The following TNIK variants were observed in gnomAD, a reference collection of about 807,000 sequenced individuals.
The protein encoded by TNIK is TRAF2 and NCK-interacting protein kinase.
A neutral mutation model predicts 191.3 loss-of-function variants in TNIK; 49 were observed. The ratio of observed to expected loss-of-function variants is 0.26; its 90% CI spans 0.20 to 0.32. The LOEUF is 0.32. Among genes scored for constraint, TNIK ranks in the 10% least tolerant of loss-of-function variants. TNIK has a pLI of 1.00. For synonymous variants in TNIK, 594 were observed against 600.9 expected (o/e 0.99, Z 0.17); for missense variants, 1,155 against 1,702.3 (o/e 0.68, Z 5.66).
intron 2 of TNIK, among the ~76,000 whole-genome samples, chr3:171,297,316 T>C (rs915995096): frequency 6.6e-6 from 1 of 152,212 alleles, no homozygotes; most frequent in Non-Finnish European, 1.5e-5. Flanking sequence ...TAAGGCGATA[T>C]GTTGGGCTCA....
Position 171,239,272 on chromosome 3 carries a change from A to T in TNIK, c.124-11051T>A, listed in dbSNP as rs577287406. Among the ~76,000 whole-genome samples, 16 of 152,358 alleles carry T rather than the reference A, an allele frequency of 1.1e-4. 1 individual carries two copies. The East Asian group carries it at 3.1e-3, about 29-fold the overall frequency. ...ATGTGAAGTTTTAAGCTAAAAATGT[A>T]ACAGTCAATGACAAGAGAATAAAGG... On this transcript the variant is annotated intron_variant, in intron 2 of 32. Transcript: ENST00000436636.
intron 1 of TNIK, among the ~76,000 whole-genome samples, chr3:171,440,726 G>T (rs1330317572): frequency 6.6e-6 from 1 of 152,214 alleles, no homozygotes; most frequent in Non-Finnish European, 1.5e-5. Context: ...AAGAGGGTGT[G>T]GAGGGAGACA....
At chr3:171,097,204 C>A (rs1722842825) in intron 22 of TNIK, among the ~76,000 whole-genome samples, 1 of 152,226 alleles carries the variant, frequency 6.6e-6, no homozygotes, top group South Asian at 2.1e-4. Flanking sequence ...CACCATATTA[C>A]AAATGTATGA....
intron 10 of TNIK, among the ~76,000 whole-genome samples, chr3:171,162,379 G>A (rs190198596): frequency 1.4e-4 from 22 of 152,262 alleles, no homozygotes; most frequent in Non-Finnish European, 2.6e-4. Context: ...AGCCAAGATC[G>A]CACCACTGCA....
intron 2 of TNIK, among the ~76,000 whole-genome samples, chr3:171,252,877 T>C (rs1383178627): frequency 6.6e-6 from 1 of 152,004 alleles, no homozygotes; most frequent in Admixed American, 6.6e-5. Flanking sequence ...ACAGGAAAAA[T>C]GGGCACTTCA....
chr3:171,340,890 C>G (rs1313921267), intron 2 of TNIK, among the ~76,000 whole-genome samples: 1 of 150,760 alleles, frequency 6.6e-6, no homozygotes, highest in African/African-American at 2.4e-5. Context: ...CCTGAGGACT[C>G]TTGGTATTTG....
chr3:171,175,376 C>G, intron 8 of TNIK, 46 bp from the exon 9 acceptor site: 1 of 1,544,080 alleles, frequency 6.5e-7, no homozygotes, highest in South Asian at 1.2e-5. Context: ...GGAGGCCAAA[C>G]CCAGGCCAAG....
At chr3:171,122,855 A>G (rs185775122) in intron 18 of TNIK, among the ~76,000 whole-genome samples, 17 of 152,340 alleles carry the variant, frequency 1.1e-4, no homozygotes, top group Non-Finnish European at 2.2e-4. Flanking sequence ...TTGATGAACT[A>G]TAACAGCAAA....
At chr3:171,186,345 C>A (rs1046414925) in intron 7 of TNIK, among the ~76,000 whole-genome samples, 4 of 152,164 alleles carry the variant, frequency 2.6e-5, no homozygotes, top group African/African-American at 9.7e-5. Flanking sequence ...AATCCCCAAA[C>A]CTTCCACTAT....
intron 16 of TNIK, 29 bp from the exon 17 acceptor site, chr3:171,126,180 A>G (rs1295003097): frequency 4.4e-5 from 67 of 1,510,202 alleles, no homozygotes; most frequent in Non-Finnish European, 5.5e-5. Flanking sequence ...TGAAAACAGC[A>G]CTATTAGAAG....
chr3:171,250,765 C>T (rs911133129), intron 2 of TNIK, among the ~76,000 whole-genome samples: 5 of 152,192 alleles, frequency 3.3e-5, no homozygotes, highest in African/African-American at 9.6e-5. Flanking sequence ...ACTAAAATAG[C>T]TAATGTGAAA....
At position 171,140,652 on chromosome 3, in the gene TNIK, C is replaced by T. The variant is rs567573669; in HGVS notation, c.1222-143G>A. 2.0e-5 allele frequency: 14 copies of T among 710,752 alleles called. 1 individual carries two copies. The highest frequency in any genetic ancestry group is 1.5e-4 in the South Asian group (9 of 59,136). 44.0% of individuals were successfully genotyped at this position (710,752 alleles called of 1,614,324 possible). ...TGCTCCAAGGTTCTTCTCTCCGGGG[C>T]TGTTGGAGGGTACACTGGCAGGGAG... On this transcript the variant is annotated intron_variant, in intron 12 of 32. Coordinates refer to ENST00000436636, the MANE Select transcript of TNIK (RefSeq NM_015028.4).
Position 171,177,391 on chromosome 3 carries a change from A to C in TNIK, c.640-11T>G. On this transcript the variant is annotated splice_polypyrimidine_tract_variant and intron_variant, in intron 7 of 32. Coordinates refer to ENST00000436636, the MANE Select transcript of TNIK (RefSeq NM_015028.4). The stretch of plus-strand genomic sequence containing the variant: ...AGACCACAAGTCACTCTGAAAAAGA[A>C]GGGGCAGACACACACATAAATTCAG... 1 of 1,601,608 alleles carries C rather than the reference A, an allele frequency of 6.2e-7. No homozygotes were observed. Among genetic ancestry groups the C allele is most frequent in the Non-Finnish European group, 8.5e-7 (1 of 1,173,802 alleles).
intron 1 of TNIK, among the ~76,000 whole-genome samples, chr3:171,378,192 C>T (rs1387827889): frequency 6.6e-6 from 1 of 152,050 alleles, no homozygotes; most frequent in African/African-American, 2.4e-5. Flanking sequence ...TTCTTTTTTT[C>T]CTACTTTGCC....
At chr3:171,121,392 T>C (rs1180987967) in intron 18 of TNIK, among the ~76,000 whole-genome samples, 1 of 152,220 alleles carries the variant, frequency 6.6e-6, no homozygotes, top group African/African-American at 2.4e-5. Flanking sequence ...ACTCAGGGCT[T>C]AGCCAAGTGA....
At chr3:171,348,166 A>ACATGCCT (rs1712566223) in intron 2 of TNIK, among the ~76,000 whole-genome samples, 1 of 152,226 alleles carries the variant, frequency 6.6e-6, no homozygotes, top group South Asian at 2.1e-4. Context: ...TTCTACTTTA[A>ACATGCCT]CATGCCTCAT....
intron 18 of TNIK, among the ~76,000 whole-genome samples, chr3:171,117,371 T>C (rs1726894925): frequency 6.6e-6 from 1 of 152,190 alleles, no homozygotes; most frequent in African/African-American, 2.4e-5. Context: ...AGAGCTCAAA[T>C]CTTGGCTCTA....
At chr3:171,074,396 T>A (rs1383922665) in intron 28 of TNIK, among the ~76,000 whole-genome samples, 1 of 152,124 alleles carries the variant, frequency 6.6e-6, no homozygotes, top group African/African-American at 2.4e-5. Flanking sequence ...AAAATTTACC[T>A]GTTGCGTATA....
At chr3:171,401,373 G>A (rs912061370) in intron 1 of TNIK, among the ~76,000 whole-genome samples, 1 of 152,120 alleles carries the variant, frequency 6.6e-6, no homozygotes, top group African/African-American at 2.4e-5. Flanking sequence ...GGACTAGGCT[G>A]AGTTATTTCT....
Sources: gnomAD v4.1 joint callset for allele counts (sites outside exome capture counted in the v4.1 genomes callset) on GRCh38, gnomAD v4.1.1 for gene constraint, MANE v1.5 for transcripts, NCBI Gene and HGNC (gene_info 2026-07-23, HGNC 2026-07-21) for gene names.